The following STXBP2 variants were observed in gnomAD, a reference collection of about 807,000 sequenced individuals.
STXBP2 encodes syntaxin binding protein 2, also known as syntaxin-binding protein 2.
Under a neutral mutation model 72.2 loss-of-function variants are expected in STXBP2, and 47 were observed. That is an observed-to-expected ratio of 0.65 (90% CI 0.51 to 0.83). The LOEUF is 0.83. Ranked by LOEUF, STXBP2 falls within the 40% of genes least tolerant of loss-of-function variation. STXBP2 has a pLI of 0.00. For synonymous variants in STXBP2, 367 were observed against 338.7 expected (o/e 1.08, Z -0.92); for missense variants, 702 against 807.6 (o/e 0.87, Z 1.58).
upstream of STXBP2, among the ~76,000 whole-genome samples, chr19:7,635,671 G>A (rs1047026970): frequency 2.0e-5 from 3 of 152,060 alleles, no homozygotes; most frequent in African/African-American, 7.3e-5. Flanking sequence ...CCTCCAGCCT[G>A]AGCAACAGAG....
chr19:7,640,517 TGTGCATGC>T (rs758765577), intron 4 of STXBP2: 8,005 of 696,840 alleles, frequency 0.011, 77 homozygotes, highest in Non-Finnish European at 0.016. Flanking sequence ...TGTGTGCATG[TGTGCATGC>T]GTGTGTATGT....
chr19:7,631,293 A>G, the STXBP2 span: 12 of 1,413,120 alleles, frequency 8.5e-6, no homozygotes, highest in Non-Finnish European at 1.0e-5. Context: ...CTCCTGGAAG[A>G]GTGAAGCGGA....
At chr19:7,647,134 C>G in intron 16 of STXBP2, 28 bp from the exon 17 acceptor site, 4 of 1,609,742 alleles carry the variant, frequency 2.5e-6, no homozygotes, top group Non-Finnish European at 3.4e-6. Context: ...CCTGGGGTTC[C>G]TCCCCTAACC....
rs1402287327 is a variant in STXBP2 at position 7,647,173 on chromosome 19, G to A, written c.1464G>A (p.Glu488=). 2 of 1,611,892 alleles carry A rather than the reference G, an allele frequency of 1.2e-6. No homozygotes were observed. Among genetic ancestry groups the A allele is most frequent in the East Asian group, 2.2e-5 (1 of 44,872 alleles). ...CTCTCGGCCGCCAGGACGCCGTGGA[G>A]GACCGGCTGGACAGGAACCTGTGGC... ...VIKDVMEDAV[E]DRLDRNLWPF... is the part of the protein sequence containing the mutation. Residue 488 remains glutamate, a synonymous_variant, in exon 17 of 19, where the codon GAG becomes GAA. Transcript: ENST00000221283.
intron 6 of STXBP2, 75 bp downstream of exon 6, chr19:7,641,078 A>G (rs1000235521): frequency 1.3e-6 from 2 of 1,495,908 alleles, no homozygotes; most frequent in African/African-American, 2.8e-5. Context: ...AGAAACAGAC[A>G]CTGAGGCTGG....
upstream of STXBP2, among the ~76,000 whole-genome samples, chr19:7,635,618 C>T (rs768467198): frequency 3.2e-4 from 49 of 152,172 alleles, no homozygotes; most frequent in Non-Finnish European, 7.1e-4. Flanking sequence ...ATCCCTTGAG[C>T]TCAGGAAGTC....
At chr19:7,629,939 A>G in the STXBP2 span, 1 of 1,411,246 alleles carries the variant, frequency 7.1e-7, no homozygotes, top group Non-Finnish European at 9.3e-7. Flanking sequence ...AAATGGGGGG[A>G]CTTCAAAGGA....
upstream of STXBP2, chr19:7,632,831 C>G (rs1599380858): frequency 3.9e-6 from 6 of 1,548,330 alleles, no homozygotes; most frequent in Non-Finnish European, 5.2e-6. The surrounding 1 kb of genome is among the most constrained non-coding windows in gnomAD (Gnocchi z 5.2). Context: ...GGGAGCCCGC[C>G]TGGGGACAGA....
chr19:7,640,357 T>C (rs1325661805), intron 4 of STXBP2: 2 of 550,566 alleles, frequency 3.6e-6, no homozygotes, highest in South Asian at 1.6e-5. Flanking sequence ...CGTCTGTGCA[T>C]GTGTGTATGC....
chr19:7,636,119 C>T (rs115211884), upstream of STXBP2, among the ~76,000 whole-genome samples: 1,424 of 152,298 alleles, frequency 9.4e-3, 24 homozygotes, highest in African/African-American at 0.031. Context: ...TTTAGGGCAG[C>T]ATGGATCCTT....
upstream of STXBP2, chr19:7,636,819 A>G (rs367982083): frequency 3.0e-5 from 9 of 296,538 alleles, no homozygotes; most frequent in East Asian, 3.7e-4. Context: ...TTGCAGGCAC[A>G]GAACCTCCCG....
At position 7,647,797 on chromosome 19, in the gene STXBP2, T is replaced by C. The variant is rs745455637; in HGVS notation, c.1769T>C (p.Ile590Thr). The change falls in exon 19 of 19, where the codon ATT (isoleucine) becomes ACT (threonine). Residue 590 changes from isoleucine to threonine, a missense_variant. Physicochemically the swap from Ile to Thr is moderately conservative, Grantham distance 89. Coordinates refer to ENST00000221283, the MANE Select transcript of STXBP2 (RefSeq NM_006949.4). ...GCACTGGACAAGAAGCTGGAGGACA[T>C]TGCCCTGCCCTGACCCCTGGCCCCG... ...LKALDKKLED[I>T]ALP is the part of the protein sequence containing the mutation. 2 of 1,613,754 alleles carry C rather than the reference T, an allele frequency of 1.2e-6. No individual in the cohort carries two copies. Among genetic ancestry groups the C allele is most frequent in the Admixed American group, 3.3e-5 (2 of 60,002 alleles).
At chr19:7,636,950 G>C (rs2031558094), upstream of STXBP2, 4 of 451,206 alleles carry the variant, frequency 8.9e-6, no homozygotes, top group African/African-American at 4.0e-5. Flanking sequence ...CTTCGTGCTC[G>C]GCAGCGCGGA....
At chr19:7,632,457 C>A (rs61741491), upstream of STXBP2, 1 of 1,613,800 alleles carries the variant, frequency 6.2e-7, no homozygotes, top group Non-Finnish European at 8.5e-7. This position sits in a 1 kb window ranked among gnomAD's most constrained non-coding sequence, Gnocchi z 5.2. Context: ...ATCCATGCGG[C>A]GGCCCTGGGT....
rs112193096 is a variant in STXBP2, at chr19:7,644,255, G to A, written c.1108-359G>A. The A allele has an allele frequency of 1.0e-3, 226 of 219,578 alleles. 19 individuals carry two copies. The highest frequency in any genetic ancestry group is 7.1e-3 in the Middle Eastern group (5 of 700). 13.6% of individuals were successfully genotyped at this position (219,578 alleles called of 1,614,324 possible). On this transcript the variant is annotated intron_variant, in intron 13 of 18. Transcript: ENST00000221283. The stretch of plus-strand genomic sequence containing the variant: ...GGACCTGGGTGAGGGGTGGAACCTC[G>A]GAGAGGTGGGACCTGGGTGAGGGGT...
At position 7,646,358 on chromosome 19, in the gene STXBP2, G is replaced by T; in HGVS notation, c.1452+14G>T. ...GATGTAATGGAGGTACTGGGTGGCA[G>T]GTCAGGGTGGGGGCCAGCCCTCCGC... On this transcript the variant is annotated intron_variant, in intron 16 of 18. Transcript: ENST00000221283. 6.3e-7 allele frequency: 1 copy of T among 1,592,026 alleles called. No homozygotes were observed.
chr19:7,641,534 T>C lies in STXBP2; in HGVS notation c.430-171T>C, dbSNP rs755691836. ...GACACGGGCTGGGGTATTTATCCAC[T>C]GACTCCTGCAGGCATGGGTTTAGGG... On this transcript the variant is annotated intron_variant, in intron 6 of 18. Transcript: ENST00000221283. 5.6e-4 allele frequency among the ~76,000 whole-genome samples: 85 copies of C among 152,174 alleles called. 2 individuals are homozygous for C. The highest frequency in any genetic ancestry group is 8.8e-4 in the Non-Finnish European group (60 of 68,018).
chr19:7,632,392 C>G (rs779625085), upstream of STXBP2: 5 of 1,613,894 alleles, frequency 3.1e-6, no homozygotes, highest in Non-Finnish European at 4.2e-6. This position sits in a 1 kb window ranked among gnomAD's most constrained non-coding sequence, Gnocchi z 5.2. Context: ...ACATCACCTA[C>G]CTTGGACCCC....
the STXBP2 span, chr19:7,630,733 C>G: frequency 2.1e-4 from 316 of 1,532,316 alleles, 1 homozygote; most frequent in African/African-American, 4.0e-3. Flanking sequence ...CTGCTGGGGA[C>G]TAATGTCTGC....
Sources: allele counts gnomAD v4.1 joint callset (sites outside exome capture counted in the v4.1 genomes callset), GRCh38; gene constraint gnomAD v4.1.1; non-coding constraint Gnocchi (gnomAD v3.1); transcripts MANE v1.5; gene names NCBI Gene and HGNC (gene_info 2026-07-23, HGNC 2026-07-21).